The following PIP5K1B variants were observed in gnomAD, a reference collection of about 807,000 sequenced individuals.
PIP5K1B encodes phosphatidylinositol-4-phosphate 5-kinase type 1 beta, also known as phosphatidylinositol 4-phosphate 5-kinase type-1 beta.
A neutral mutation model predicts 67.0 loss-of-function variants in PIP5K1B; 42 were observed. The ratio of observed to expected loss-of-function variants is 0.63; its 90% CI spans 0.49 to 0.81. PIP5K1B has a LOEUF of 0.81. PIP5K1B is among the 30% of genes least tolerant of loss of function. The pLI is 0.00. For missense variants in PIP5K1B, 459 were observed against 646.3 expected (o/e 0.71, Z 3.14); for synonymous variants, 214 against 231.4 (o/e 0.92, Z 0.68).
intron 2 of PIP5K1B, among the ~76,000 whole-genome samples, chr9:68,753,804 G>A (rs1231026089): frequency 5.3e-5 from 8 of 152,070 alleles, no homozygotes; most frequent in East Asian, 1.9e-4. Context: ...GATTACAGGC[G>A]TGAGCCACCG....
intron 2 of PIP5K1B, among the ~76,000 whole-genome samples, chr9:68,792,453 TG>T (rs1832027157): frequency 8.4e-6 from 1 of 118,354 alleles, no homozygotes; most frequent in African/African-American, 3.2e-5. Context: ...GTGGCACATG[TG>T]TTTTTTTGTT....
At chr9:68,824,704 G>C (rs1287710984) in intron 4 of PIP5K1B, among the ~76,000 whole-genome samples, 2 of 152,180 alleles carry the variant, frequency 1.3e-5, no homozygotes, top group Admixed American at 1.3e-4. Flanking sequence ...GATATGAATA[G>C]CAAGAAGAAG....
At chr9:68,727,146 T>C (rs1432469964) in intron 1 of PIP5K1B, among the ~76,000 whole-genome samples, 1 of 152,136 alleles carries the variant, frequency 6.6e-6, no homozygotes, top group Non-Finnish European at 1.5e-5. Context: ...ATATTAAACT[T>C]CAAGAGGAGG....
intron 12 of PIP5K1B, among the ~76,000 whole-genome samples, chr9:68,927,998 T>A (rs1826797971): frequency 6.6e-6 from 1 of 152,174 alleles, no homozygotes; most frequent in South Asian, 2.1e-4. Flanking sequence ...CCACCATTTG[T>A]TGAAAAGCCT....
chr9:68,862,922 A>G (rs903475929), intron 4 of PIP5K1B, among the ~76,000 whole-genome samples: 1 of 152,002 alleles, frequency 6.6e-6, no homozygotes, highest in African/African-American at 2.4e-5. Context: ...CTCTGGTGTT[A>G]AAAGCTTGAA....
At chr9:68,726,129 G>GGCT (rs1828136976) in intron 1 of PIP5K1B, among the ~76,000 whole-genome samples, 1 of 152,114 alleles carries the variant, frequency 6.6e-6, no homozygotes, top group Non-Finnish European at 1.5e-5. Flanking sequence ...GGGTGTGATT[G>GGCT]GATTGTTTGT....
intron 4 of PIP5K1B, among the ~76,000 whole-genome samples, chr9:68,837,519 T>C (rs1834677107): frequency 6.6e-6 from 1 of 152,144 alleles, no homozygotes; most frequent in Non-Finnish European, 1.5e-5. Context: ...CTGTCTGATT[T>C]GTAAGCACTA....
chr9:68,792,514 C>T (rs923931301), intron 2 of PIP5K1B, among the ~76,000 whole-genome samples: 1 of 152,108 alleles, frequency 6.6e-6, no homozygotes, highest in Non-Finnish European at 1.5e-5. Flanking sequence ...GAGTCTCGCT[C>T]TGTCGCCCAG....
At chr9:68,945,862 A>G (rs578088946) in intron 14 of PIP5K1B, among the ~76,000 whole-genome samples, 1 of 152,252 alleles carries the variant, frequency 6.6e-6, no homozygotes. Context: ...GGTGACATCC[A>G]TACAAGTTCT....
intron 2 of PIP5K1B, chr9:68,781,306 T>G (rs1363485905): frequency 3.2e-6 from 1 of 313,212 alleles, no homozygotes; most frequent in Admixed American, 4.7e-5. Context: ...ATGTTATCCC[T>G]TGATTTTTTT....
In PIP5K1B at chr9:68,815,080, A is replaced by C. The variant is rs74647301; in HGVS notation, c.-85-3381A>C. 4.6e-4 allele frequency among the ~76,000 whole-genome samples: 70 copies of C among 152,254 alleles called. 1 individual carries two copies. The East Asian group carries it at 0.013, about 28-fold the overall frequency. On this transcript the variant is annotated intron_variant, in intron 2 of 15. Coordinates refer to ENST00000265382, the MANE Select transcript of PIP5K1B (RefSeq NM_003558.4). ...AAATTGACAGTGAAATAATAATAAT[A>C]AGTAAAATGTAAATGCTTGAAATTA... is the stretch of plus-strand genomic sequence containing the variant.
At chr9:68,914,106 A>C (rs1035603355) in intron 8 of PIP5K1B, among the ~76,000 whole-genome samples, 6 of 152,194 alleles carry the variant, frequency 3.9e-5, no homozygotes, top group Admixed American at 6.5e-5. Context: ...CTTAACAATT[A>C]ATTCATGGAT....
intron 14 of PIP5K1B, among the ~76,000 whole-genome samples, chr9:68,955,257 A>C (rs1828325078): frequency 2.0e-5 from 3 of 152,386 alleles, no homozygotes; most frequent in African/African-American, 4.8e-5. Flanking sequence ...CCAAGAAGGC[A>C]TTCCAAAAGT....
chr9:68,849,086 A>AT (rs546634827), intron 4 of PIP5K1B, among the ~76,000 whole-genome samples: 75 of 152,322 alleles, frequency 4.9e-4, no homozygotes, highest in South Asian at 3.7e-3. Context: ...ATAAATGTGC[A>AT]TTTTTTTAAC....
chr9:68,897,948 G>C (rs1455777255), intron 8 of PIP5K1B, among the ~76,000 whole-genome samples: 1 of 152,142 alleles, frequency 6.6e-6, no homozygotes, highest in Non-Finnish European at 1.5e-5. Flanking sequence ...GCCAATCAGA[G>C]CTGCCGTTTC....
intron 2 of PIP5K1B, chr9:68,789,204 A>G (rs1047363367): frequency 3.8e-6 from 2 of 522,812 alleles, no homozygotes; most frequent in African/African-American, 2.0e-5. Flanking sequence ...TTGGTCACCC[A>G]CATTGGTGCT....
At chr9:68,759,193 A>T (rs897381107) in intron 2 of PIP5K1B, among the ~76,000 whole-genome samples, 2 of 152,154 alleles carry the variant, frequency 1.3e-5, no homozygotes, top group African/African-American at 4.8e-5. Context: ...AATACACTAG[A>T]CTAATCTTCT....
intron 12 of PIP5K1B, among the ~76,000 whole-genome samples, chr9:68,929,163 TAAA>T (rs60505568): frequency 1.0e-3 from 103 of 101,466 alleles, no homozygotes; most frequent in Middle Eastern, 9.8e-3. Flanking sequence ...AGACTCTATC[TAAA>T]AAAAAAAAAA....
chr9:68,757,184 ACC>A (rs1407553569), intron 2 of PIP5K1B, among the ~76,000 whole-genome samples: 1 of 152,206 alleles, frequency 6.6e-6, no homozygotes, highest in African/African-American at 2.4e-5. Flanking sequence ...TTTAAAGTTC[ACC>A]CTGTCAGTTA....
Sources: gnomAD v4.1 joint callset for allele counts (sites outside exome capture counted in the v4.1 genomes callset) on GRCh38, gnomAD v4.1.1 for gene constraint, MANE v1.5 for transcripts, NCBI Gene and HGNC (gene_info 2026-07-23, HGNC 2026-07-21) for gene names.